The following DHX37 variants were observed in gnomAD, a reference collection of about 807,000 sequenced individuals.
DHX37 encodes the protein probable ATP-dependent RNA helicase DHX37.
In DHX37, 52 loss-of-function variants were observed where a neutral mutation model predicts 134.3. The observed-to-expected ratio is 0.39, with a 90% CI of 0.31 to 0.49. DHX37 has a LOEUF of 0.49. Among genes scored for constraint, DHX37 ranks in the 20% least tolerant of loss-of-function variants. DHX37 has a pLI of 0.93. For synonymous variants in DHX37, 634 were observed against 670.7 expected (o/e 0.95, Z 0.85); for missense variants, 1,344 against 1,580.8 (o/e 0.85, Z 2.54).
At chr12:124,967,328 G>C (rs1238650947) in intron 10 of DHX37, 110 bp from the exon 11 acceptor site, 1 of 1,201,718 alleles carries the variant, frequency 8.3e-7, no homozygotes, top group African/African-American at 1.5e-5. Flanking sequence ...GGGATAATGG[G>C]GGAGGACAGG....
intron 2 of DHX37, among the ~76,000 whole-genome samples, chr12:124,982,892 C>T (rs1449657636): frequency 1.3e-5 from 2 of 152,078 alleles, no homozygotes; most frequent in African/African-American, 4.8e-5. Context: ...ACCAGATGTC[C>T]ATCAACAGGA....
intron 15 of DHX37, among the ~76,000 whole-genome samples, chr12:124,963,878 C>CA (rs71092251): frequency 0.048 from 4,392 of 90,802 alleles, 697 homozygotes; most frequent in African/African-American, 0.099. Flanking sequence ...AGACTCGTCT[C>CA]AAAAAAAAAA....
rs1485606627 is a variant in DHX37, at chr12:124,952,495, T to C, written c.2771A>G (p.Tyr924Cys). Residue 924 changes from tyrosine to cysteine, a missense_variant, in exon 21 of 27, where the codon TAC (tyrosine) becomes TGC (cysteine). Transcript: ENST00000308736. ...GCCTGCCGTCACGATCTGTCGCAGG[T>C]AGGTCACCTGGCTCTCGGTGGGCGG... Reference protein sequence around the residue: ...MQPPTESQVTYLRQIVTAGLG... With the variant: ...MQPPTESQVTCLRQIVTAGLG... The C allele has an allele frequency of 6.8e-6, 11 of 1,608,596 alleles. No individual in the cohort carries two copies. The highest frequency in any genetic ancestry group is 9.4e-6 in the Non-Finnish European group (11 of 1,176,356).
At chr12:124,950,838 G>T (rs751221066) in intron 21 of DHX37, 34 bp from the exon 22 acceptor site, 1 of 1,561,126 alleles carries the variant, frequency 6.4e-7, no homozygotes, top group African/African-American at 1.4e-5. Flanking sequence ...GGTCAGGGAA[G>T]AACCCATGCC....
At position 124,966,788 on chromosome 12, in the gene DHX37, C is replaced by T. The variant is rs776703936; in HGVS notation, c.1590+5G>A. The stretch of plus-strand genomic sequence containing the variant: ...TCCAGGAGTCCCTGCCAGCCCCCCA[C>T]GTACCTCAGCCCGCGCCTTCTTGGC... On this transcript the variant is annotated splice_donor_5th_base_variant and intron_variant, in intron 12 of 26. Transcript: ENST00000308736. 2.4e-5 allele frequency: 38 copies of T among 1,614,136 alleles called. No homozygotes were observed. Among genetic ancestry groups the T allele is most frequent in the East Asian group, 4.5e-5 (2 of 44,904 alleles).
intron 8 of DHX37, 44 bp from the exon 9 acceptor site, chr12:124,969,012 G>A: frequency 6.3e-7 from 1 of 1,588,148 alleles, no homozygotes; most frequent in Non-Finnish European, 8.6e-7. Context: ...AGGACCGCAG[G>A]TGGGTCTGAA....
intron 21 of DHX37, among the ~76,000 whole-genome samples, chr12:124,952,166 CA>C (rs1188064619): frequency 2.4e-4 from 37 of 152,032 alleles, no homozygotes; most frequent in Non-Finnish European, 1.5e-4. Context: ...CAAAAAACCC[CA>C]AAAGAGTTTA....
chr12:124,986,933 G>A (rs1395394406), intron 1 of DHX37, among the ~76,000 whole-genome samples: 2 of 152,004 alleles, frequency 1.3e-5, no homozygotes, highest in Admixed American at 1.3e-4. Flanking sequence ...TTTTAGTAGA[G>A]ACGGGGTTTT....
intron 6 of DHX37, among the ~76,000 whole-genome samples, chr12:124,973,638 C>CTTTTTTTTTTTTTTTTTTTTTTTTTTTT (rs71092252): frequency 9.7e-6 from 1 of 102,874 alleles, no homozygotes. Context: ...CCCCCCAACG[C>CTTTTTTTTTTTTTTTTTTTTTTTTTTTT]TTTTTTTTTT....
intron 1 of DHX37, among the ~76,000 whole-genome samples, chr12:124,988,248 C>T (rs989233664): frequency 6.6e-6 from 1 of 152,064 alleles, no homozygotes; most frequent in Non-Finnish European, 1.5e-5. Flanking sequence ...CCTGCCCTGG[C>T]CCCCTGTTTT....
At position 124,986,262 on chromosome 12, in the gene DHX37, T is replaced by C; in HGVS notation, c.110A>G (p.Lys37Arg). The C allele has an allele frequency of 1.2e-6, 2 of 1,613,522 alleles. No individual in the cohort carries two copies. The change falls in exon 2 of 27, where the codon AAG (lysine) becomes AGG (arginine). Residue 37 changes from lysine (K) to arginine (R), a missense_variant. This residue lies in a region of DHX37 where 319 missense variants were observed against 296.1 expected (regional missense o/e 1.08). Coordinates refer to ENST00000308736, the MANE Select transcript of DHX37 (RefSeq NM_032656.4). ...PPPVQLELED[K>R]DTLKGVDASN... The stretch of plus-strand genomic sequence containing the variant: ...TGCATCAACTCCCTTCAACGTGTCC[T>C]TGTCTGAGAGAGCACAGTTATTAAG...
chr12:124,951,281 CAA>C (rs71092247), intron 21 of DHX37, among the ~76,000 whole-genome samples: 12,551 of 130,096 alleles, frequency 0.096, 1,024 homozygotes, highest in African/African-American at 0.23. Flanking sequence ...AACTCCTTCT[CAA>C]AAAAAAAAAA....
chr12:124,984,735 A>T (rs1418511605), intron 2 of DHX37, among the ~76,000 whole-genome samples: 1 of 152,224 alleles, frequency 6.6e-6, no homozygotes, highest in Non-Finnish European at 1.5e-5. Flanking sequence ...GGTCATTTTT[A>T]AAAGTCTCTA....
rs1303989510 is a variant in DHX37, at chr12:124,966,350, AG to A, written c.1590+442del. 1.5e-4 allele frequency among the ~76,000 whole-genome samples: 23 copies of A among 151,714 alleles called. 1 individual carries two copies. In the South Asian group the frequency reaches 4.8e-3, roughly 32 times the overall value. On this transcript the variant is annotated intron_variant, in intron 12 of 26. Transcript: ENST00000308736. Reference sequence around the variant, plus strand: ...CCCAAAGTGCTGGGATTACAGGCGTAGCCACCACGCCTGGCCTTCTTTTCCA... The same window carrying A: ...CCCAAAGTGCTGGGATTACAGGCGTACCACCACGCCTGGCCTTCTTTTCCA...
Position 124,947,736 on chromosome 12 carries a change from G to A in DHX37, c.*66C>T, listed in dbSNP as rs778903261. ...CCATGCCAGGTGGTCACGGTCGCAC[G>A]GTGACAGGCTGCTGCCAGCCCTCCA... On this transcript the variant is annotated 3_prime_UTR_variant, in exon 27 of 27. Transcript: ENST00000308736. 5.2e-5 allele frequency: 78 copies of A among 1,496,020 alleles called. 1 individual carries two copies. The highest frequency in any genetic ancestry group is 4.8e-4 in the East Asian group (21 of 43,366). The allele number at this position is 1,496,020 out of a possible 1,614,324, so 92.7% of individuals were successfully genotyped here. A position where few individuals can be genotyped will look rare whatever the true frequency, so the allele number is the denominator to read the frequency against.
chr12:124,957,202 G>A (rs921573611), intron 16 of DHX37, 67 bp from the exon 17 acceptor site: 46 of 1,373,896 alleles, frequency 3.3e-5, no homozygotes, highest in Non-Finnish European at 3.9e-5. Context: ...CTCCTGCTCC[G>A]TCTGTGGCAG....
At chr12:124,958,093 G>A (rs11832774) in intron 16 of DHX37, among the ~76,000 whole-genome samples, 19,367 of 152,238 alleles carry the variant, frequency 0.13, 4,084 homozygotes, top group African/African-American at 0.44. Flanking sequence ...GCTGGGAGGT[G>A]GTGACAGATA....
intron 20 of DHX37, 23 bp from the exon 21 acceptor site, chr12:124,952,593 G>A (rs776054206): frequency 1.3e-6 from 2 of 1,551,518 alleles, no homozygotes; most frequent in Admixed American, 1.8e-5. Context: ...CCAAGAGTGA[G>A]GTCGGTGGTG....
At chr12:124,962,473 T>C (rs1594485685) in intron 15 of DHX37, among the ~76,000 whole-genome samples, 1 of 152,014 alleles carries the variant, frequency 6.6e-6, no homozygotes, top group East Asian at 1.9e-4. Flanking sequence ...CCGGTCAACA[T>C]GGTGAACCCC....
Sources: allele counts gnomAD v4.1 joint callset (sites outside exome capture counted in the v4.1 genomes callset), GRCh38; gene constraint gnomAD v4.1.1; regional missense constraint gnomAD v4.1.1; transcripts MANE v1.5; gene names NCBI Gene and HGNC (gene_info 2026-07-23, HGNC 2026-07-21).